Variants in EDIL3 observed in about 807,000 individuals in gnomAD.
EDIL3 encodes the protein EGF like and discoidin domains 3.
Under a neutral mutation model 67.4 loss-of-function variants are expected in EDIL3, and 37 were observed. The ratio of observed to expected loss-of-function variants is 0.55; its 90% CI spans 0.42 to 0.72. The LOEUF is 0.72. Ranked by LOEUF, EDIL3 falls within the 30% of genes least tolerant of loss-of-function variation. EDIL3 has a pLI of 0.00. For synonymous variants in EDIL3, 195 were observed against 196.3 expected (o/e 0.99, Z 0.05); for missense variants, 527 against 586.3 (o/e 0.90, Z 1.04).
intron 1 of EDIL3, among the ~76,000 whole-genome samples, chr5:84,324,797 CAT>C (rs1250665557): frequency 6.6e-6 from 1 of 151,560 alleles, no homozygotes; most frequent in Non-Finnish European, 1.5e-5. Context: ...CGACAAATTA[CAT>C]ATCTTAGATA....
intron 9 of EDIL3, among the ~76,000 whole-genome samples, chr5:84,051,056 C>A (rs1248335517): frequency 6.6e-6 from 1 of 152,194 alleles, no homozygotes; most frequent in Non-Finnish European, 1.5e-5. Flanking sequence ...ATCTGGGAGG[C>A]ACCCCCCAGT....
At chr5:84,078,265 G>A (rs774617399) in intron 6 of EDIL3, among the ~76,000 whole-genome samples, 7 of 152,028 alleles carry the variant, frequency 4.6e-5, no homozygotes, top group Non-Finnish European at 7.4e-5. Flanking sequence ...CAGAGGAATC[G>A]AATATTAAAA....
chr5:83,952,152 T>A (rs2112118097), intron 10 of EDIL3, among the ~76,000 whole-genome samples: 1 of 151,902 alleles, frequency 6.6e-6, no homozygotes, highest in Middle Eastern at 3.4e-3. Flanking sequence ...TTACCTTTTG[T>A]TATTAGGTCT....
chr5:84,141,914 T>TAC (rs1466520313), intron 4 of EDIL3, among the ~76,000 whole-genome samples: 3 of 104,920 alleles, frequency 2.9e-5, no homozygotes, highest in Admixed American at 1.2e-4. Flanking sequence ...CTCATATATA[T>TAC]ATATATATAC....
chr5:84,140,957 A>G (rs1319112325), intron 4 of EDIL3, among the ~76,000 whole-genome samples: 1 of 152,120 alleles, frequency 6.6e-6, no homozygotes, highest in Non-Finnish European at 1.5e-5. Context: ...AGCAATCTAA[A>G]TGGAAACTGA....
chr5:84,355,055 C>T (rs1747452850), intron 1 of EDIL3, among the ~76,000 whole-genome samples: 1 of 152,148 alleles, frequency 6.6e-6, no homozygotes, highest in Non-Finnish European at 1.5e-5. Flanking sequence ...GGAAGATCTC[C>T]TGGATAATAT....
At chr5:84,139,105 C>A (rs959658179) in intron 4 of EDIL3, among the ~76,000 whole-genome samples, 1 of 151,954 alleles carries the variant, frequency 6.6e-6, no homozygotes, top group African/African-American at 2.4e-5. Context: ...GGTGTGGTGG[C>A]GTGTGCCTAT....
intron 6 of EDIL3, among the ~76,000 whole-genome samples, chr5:84,074,877 C>T (rs201604587): frequency 6.6e-6 from 1 of 152,134 alleles, no homozygotes; most frequent in Admixed American, 6.6e-5. Flanking sequence ...ATAAATCATG[C>T]TGCTATAAAG....
At chr5:84,277,644 C>T (rs933973735) in intron 1 of EDIL3, among the ~76,000 whole-genome samples, 1 of 152,050 alleles carries the variant, frequency 6.6e-6, no homozygotes, top group Non-Finnish European at 1.5e-5. Context: ...GATTCATTCA[C>T]TCAACATATA....
chr5:84,045,706 G>A (rs1292928164), intron 9 of EDIL3, among the ~76,000 whole-genome samples: 4 of 151,984 alleles, frequency 2.6e-5, no homozygotes, highest in African/African-American at 4.8e-5. Flanking sequence ...TTATAATAGC[G>A]GCATAAAACG....
rs1385705403 is a variant in EDIL3, at chr5:84,074,775, G to C, written c.652-8169C>G. Among the ~76,000 whole-genome samples, 9 of 152,228 alleles carry C rather than the reference G, an allele frequency of 5.9e-5. No individual in the cohort carries two copies. The East Asian group carries it at 1.7e-3, about 29-fold the overall frequency. On this transcript the variant is annotated intron_variant, in intron 6 of 10. Coordinates refer to ENST00000296591, the MANE Select transcript of EDIL3 (RefSeq NM_005711.5). ...GGGACGGTAAACTAGTTCAACCATTGTGGAAGTCAGTGTGGCGATTCCTCA... is the reference window on the plus strand; with the variant it reads ...GGGACGGTAAACTAGTTCAACCATTCTGGAAGTCAGTGTGGCGATTCCTCA...
At chr5:84,383,185 C>G (rs761051669) in intron 1 of EDIL3, among the ~76,000 whole-genome samples, 1 of 152,346 alleles carries the variant, frequency 6.6e-6, no homozygotes, top group African/African-American at 2.4e-5. Context: ...GATTCTATTA[C>G]CCGCGGATCC....
chr5:84,234,473 A>G (rs1247982091), intron 2 of EDIL3, among the ~76,000 whole-genome samples: 1 of 152,184 alleles, frequency 6.6e-6, no homozygotes, highest in East Asian at 1.9e-4. Flanking sequence ...CCCTGATACA[A>G]CACGATACTA....
intron 3 of EDIL3, among the ~76,000 whole-genome samples, chr5:84,218,912 G>C (rs773855422): frequency 2.0e-5 from 3 of 152,158 alleles, no homozygotes; most frequent in African/African-American, 4.8e-5. Context: ...AGAGTACCTC[G>C]GGACCAGGAG....
chr5:84,220,482 A>T (rs191244809), intron 3 of EDIL3, among the ~76,000 whole-genome samples: 55 of 152,330 alleles, frequency 3.6e-4, no homozygotes, highest in African/African-American at 1.3e-3. Flanking sequence ...AGGGTCTCAT[A>T]GAAGTTTTTA....
intron 6 of EDIL3, among the ~76,000 whole-genome samples, chr5:84,098,784 C>T (rs1747310905): frequency 6.6e-6 from 1 of 152,102 alleles, no homozygotes; most frequent in Non-Finnish European, 1.5e-5. Context: ...ATTTATAGCA[C>T]TAAATGCCCA....
chr5:84,059,131 G>C (rs73134252), intron 9 of EDIL3, among the ~76,000 whole-genome samples: 1 of 152,008 alleles, frequency 6.6e-6, no homozygotes, highest in East Asian at 1.9e-4. Context: ...CCTGATGTGG[G>C]GGCTTATGCC....
chr5:84,012,167 A>G (rs1745528908), intron 9 of EDIL3, among the ~76,000 whole-genome samples: 1 of 152,170 alleles, frequency 6.6e-6, no homozygotes, highest in Non-Finnish European at 1.5e-5. Context: ...TAATAGCATG[A>G]TAGATGGTGA....
At chr5:84,258,136 T>G (rs767125381) in intron 1 of EDIL3, among the ~76,000 whole-genome samples, 1 of 152,204 alleles carries the variant, frequency 6.6e-6, no homozygotes, top group Non-Finnish European at 1.5e-5. Flanking sequence ...GTTTAAAATC[T>G]GTTTCTCTAT....
Sources: gnomAD v4.1 joint callset for allele counts (sites outside exome capture counted in the v4.1 genomes callset) on GRCh38, gnomAD v4.1.1 for gene constraint, MANE v1.5 for transcripts, NCBI Gene and HGNC (gene_info 2026-07-23, HGNC 2026-07-21) for gene names.